Variants in BNIP5 observed in about 807,000 individuals in gnomAD.
BNIP5 encodes BCL2 interacting protein 5.
In BNIP5, 61 loss-of-function variants were observed where a neutral mutation model predicts 67.3. That is an observed-to-expected ratio of 0.91 (90% CI 0.74 to 1.12). The LOEUF is 1.12. Among genes scored for constraint, BNIP5 ranks in the 50% most tolerant of loss-of-function variants. The probability of loss-of-function intolerance (pLI) is 0.00; values close to 1 mark genes in which losing one functional copy is unlikely to be tolerated. For synonymous variants in BNIP5, 317 were observed against 319.0 expected (o/e 0.99, Z 0.07); for missense variants, 826 against 816.3 (o/e 1.01, Z -0.14).
In BNIP5 at chr6:36,335,241, G is replaced by A. The variant is rs1303539245; in HGVS notation, c.-5+1471C>T. On this transcript the variant is annotated intron_variant, in intron 1 of 11. Coordinates refer to ENST00000437635, the MANE Select transcript of BNIP5 (RefSeq NM_001010903.5). The stretch of plus-strand genomic sequence containing the variant: ...TTCTCTAATTTGTTCACCTGGCCGC[G>A]TTACTCTCTAACTGCTCTGGTGCCT... 2.0e-5 allele frequency among the ~76,000 whole-genome samples: 3 copies of A among 152,158 alleles called. 1 individual carries two copies. The highest frequency in any genetic ancestry group is 4.1e-4 in the South Asian group (2 of 4,824).
chr6:36,332,396 C>A (rs999942332), intron 1 of BNIP5, among the ~76,000 whole-genome samples: 1 of 152,100 alleles, frequency 6.6e-6, no homozygotes, highest in African/African-American at 2.4e-5. Context: ...TGGTGGTGTG[C>A]AATGTCGTGT....
At chr6:36,323,164 GAC>G in intron 8 of BNIP5, 127 bp downstream of exon 8, 4 of 1,331,942 alleles carry the variant, frequency 3.0e-6, no homozygotes, top group Admixed American at 2.1e-5. Flanking sequence ...AGCATGGAAA[GAC>G]ACAGTCAGGG....
Position 36,326,614 on chromosome 6 carries a change from C to G in BNIP5, c.932G>C (p.Arg311Thr), listed in dbSNP as rs762695668. The change falls in exon 5 of 12, where the codon AGG becomes ACG. Residue 311 changes from arginine (R) to threonine (T), a missense_variant. Arg to Thr is a moderately conservative substitution (Grantham distance 71). Transcript: ENST00000437635. ...TGGACTGGAAACATCTGCAGCCCCC[C>G]TCTTGGCCTCCTCGGAGCCGTGTTT... is the stretch of plus-strand genomic sequence containing the variant. ...PKKHGSEEAK[R>T]GAADVSSPEA... is the part of the protein sequence containing the mutation. 4 of 1,614,264 alleles carry G rather than the reference C, an allele frequency of 2.5e-6. No homozygotes were observed. The Admixed American group carries it at 5.0e-5, about 20-fold the overall frequency.
Position 36,336,880 on chromosome 6 carries a change from C to T in BNIP5, c.-173G>A, listed in dbSNP as rs1286690739. The T allele has an allele frequency of 6.6e-6, 1 of 152,214 alleles. No homozygotes were observed. The highest frequency in any genetic ancestry group is 1.5e-5 in the Non-Finnish European group (1 of 68,064). 9.4% of individuals were successfully genotyped at this position (152,214 alleles called of 1,614,324 possible). On this transcript the variant is annotated 5_prime_UTR_variant, in exon 1 of 12. Transcript: ENST00000437635. Reference sequence around the variant, plus strand: ...CCACTACTTTGGTGCTGGCAATTTTCTGAGTGTCTCAGAAGATGCTTTGGC... The same window carrying T: ...CCACTACTTTGGTGCTGGCAATTTTTTGAGTGTCTCAGAAGATGCTTTGGC...
Position 36,326,519 on chromosome 6 carries a change from T to C in BNIP5, c.1027A>G (p.Ser343Gly). 6.2e-7 allele frequency: 1 copy of C among 1,614,208 alleles called. No individual in the cohort carries two copies. The highest frequency in any genetic ancestry group is 8.5e-7 in the Non-Finnish European group (1 of 1,180,026). The change falls in exon 5 of 12, where the codon AGC (serine) becomes GGC (glycine). Residue 343 changes from serine (S) to glycine (G), a missense_variant. By Grantham distance (56) the Ser-to-Gly change is moderately conservative. Transcript: ENST00000437635. ...CVSGHRPSIS[S>G]SYGLEEPKVQ... ...TGCAGAGCCTGCTCACCATAGCTGC[T>C]GGAGATGGAAGGCCGATGGCCGCTG...
In BNIP5 at chr6:36,323,368, C is replaced by T. The variant is rs1349103436; in HGVS notation, c.1396G>A (p.Ala466Thr). The change falls in exon 8 of 12, where the codon GCC becomes ACC. Residue 466 changes from alanine (A) to threonine (T), a missense_variant. Transcript: ENST00000437635. ...AGAAGAASPE[A>T]RRPKRPSFLP... Reference sequence around the variant, plus strand: ...AAGCTGGGCCTCTTGGGTCGTCGGGCCTCTGGGCTGGCAGCCCCTGCTGCC... The same window carrying T: ...AAGCTGGGCCTCTTGGGTCGTCGGGTCTCTGGGCTGGCAGCCCCTGCTGCC... The T allele has an allele frequency of 6.2e-7, 1 of 1,614,282 alleles. No individual in the cohort carries two copies. Among genetic ancestry groups the T allele is most frequent in the Non-Finnish European group, 8.5e-7 (1 of 1,180,056 alleles).
At position 36,333,246 on chromosome 6, in the gene BNIP5, G is replaced by A. The variant is rs1346647281; in HGVS notation, c.-4-2552C>T. 5.9e-5 allele frequency among the ~76,000 whole-genome samples: 9 copies of A among 152,364 alleles called. No individual in the cohort carries two copies. The South Asian group carries it at 6.2e-4, about 11-fold the overall frequency. On this transcript the variant is annotated intron_variant, in intron 1 of 11. Coordinates refer to ENST00000437635, the MANE Select transcript of BNIP5 (RefSeq NM_001010903.5). ...GCTGAGGCCAGAGGCCATTGGGGCC[G>A]AGTGTCCACACGTGGACGACCTTGG... is the stretch of plus-strand genomic sequence containing the variant.
Position 36,330,652 on chromosome 6 carries a change from C to T in BNIP5, c.39G>A (p.Glu13=). 8 of 1,600,446 alleles carry T rather than the reference C, an allele frequency of 5.0e-6. No homozygotes were observed. The highest frequency in any genetic ancestry group is 1.1e-5 in the South Asian group (1 of 90,648). ...GCCTGTCCAGAGACCTGGCTTTCTTCTCCGCCAGGGGCCTCCTTGGGCACC... is the reference window on the plus strand; with the variant it reads ...GCCTGTCCAGAGACCTGGCTTTCTTTTCCGCCAGGGGCCTCCTTGGGCACC... ...NPRCPRRPLA[E]KKARSLDRPQ... Residue 13 remains glutamate, a synonymous_variant, in exon 2 of 12, where the codon GAG becomes GAA. Transcript: ENST00000437635.
At chr6:36,323,627 C>A in intron 7 of BNIP5, 94 bp from the exon 8 acceptor site, 1 of 1,418,130 alleles carries the variant, frequency 7.1e-7, no homozygotes, top group Non-Finnish European at 9.8e-7. Flanking sequence ...GGCTAGCAGG[C>A]GTTGCCCAGA....
Position 36,330,680 on chromosome 6 carries a change from G to C in BNIP5, c.11C>G (p.Pro4Arg), listed in dbSNP as rs1771884367. Residue 4 changes from proline to arginine, a missense_variant, in exon 2 of 12, where the codon CCA becomes CGA. Coordinates refer to ENST00000437635, the MANE Select transcript of BNIP5 (RefSeq NM_001010903.5). MEN[P>R]RCPRRPLAEK... ...CGCCAGGGGCCTCCTTGGGCACCTT[G>C]GATTCTCCATCGGGCTGCAACCAAA... 6.3e-7 allele frequency: 1 copy of C among 1,574,998 alleles called. No homozygotes were observed. The highest frequency in any genetic ancestry group is 1.4e-5 in the African/African-American group (1 of 73,608).
In BNIP5 at chr6:36,323,294, A is replaced by C; in HGVS notation, c.1470T>G (p.Leu490=). The C allele has an allele frequency of 6.2e-7, 1 of 1,614,128 alleles. No homozygotes were observed. The highest frequency in any genetic ancestry group is 8.5e-7 in the Non-Finnish European group (1 of 1,180,018). The change falls in exon 8 of 12, where the codon CTT becomes CTG. Residue 490 remains leucine (L), a splice_region_variant and synonymous_variant. Transcript: ENST00000437635. ...CATGGCAACACCAGGCCTGCTCACC[A>C]AGGCTGCTGGAGGTGGAGGGCCGAT... ...GGHRPSTSSS[L]DPEDLECREP...
Position 36,323,421 on chromosome 6 carries a change from T to G in BNIP5, c.1343A>C (p.His448Pro), listed in dbSNP as rs749786358. The stretch of plus-strand genomic sequence containing the variant: ...CGCTCTTCTGGGTTCCTTGGAGGTG[T>G]GTTTCTTATGGTAAAACGCTCTCCT... Reference protein sequence around the residue: ...SFRRAFYHKKHTSKEPRRAGA... With the variant: ...SFRRAFYHKKPTSKEPRRAGA... The change falls in exon 8 of 12, where the codon CAC (histidine) becomes CCC (proline). Residue 448 changes from histidine to proline, a missense_variant. Transcript: ENST00000437635. 4 of 1,614,144 alleles carry G rather than the reference T, an allele frequency of 2.5e-6. No homozygotes were observed. In the Admixed American group the frequency reaches 6.7e-5, roughly 27 times the overall value.
In BNIP5 at chr6:36,317,362, T is replaced by C. The variant is rs762186530; in HGVS notation, c.1953A>G (p.Pro651=). ...PNITSPKVES[P]D ...TGAGTGCAAGACACAGCTTTCAATC[T>C]GGACTTTCAACCTTAGGACTTGTGA... The change falls in exon 12 of 12, where the codon CCA becomes CCG. Residue 651 remains proline, a synonymous_variant. Transcript: ENST00000437635. 2.3e-5 allele frequency: 37 copies of C among 1,613,252 alleles called. No individual in the cohort carries two copies. The highest frequency in any genetic ancestry group is 8.3e-5 in the Admixed American group (5 of 60,004).
At chr6:36,325,070 A>G (rs964978195) in intron 6 of BNIP5, among the ~76,000 whole-genome samples, 4 of 152,128 alleles carry the variant, frequency 2.6e-5, no homozygotes, top group Non-Finnish European at 5.9e-5. Flanking sequence ...TCATCAGGGT[A>G]AGCACCAACA....
At chr6:36,330,005 C>T in intron 2 of BNIP5, 76 bp downstream of exon 2, 6 of 1,478,864 alleles carry the variant, frequency 4.1e-6, no homozygotes, top group Non-Finnish European at 5.4e-6. Context: ...CTATCCCTGT[C>T]CCTCTGTGGA....
intron 9 of BNIP5, among the ~76,000 whole-genome samples, chr6:36,321,475 T>A (rs1771635301): frequency 6.6e-6 from 1 of 152,138 alleles, no homozygotes; most frequent in South Asian, 2.1e-4. Context: ...GTAACCACAT[T>A]CAGCTTCATT....
At chr6:36,321,095 G>T (rs1771625986) in intron 10 of BNIP5, 60 bp downstream of exon 10, 19 of 702,666 alleles carry the variant, frequency 2.7e-5, no homozygotes, top group Non-Finnish European at 3.9e-5. Context: ...CTTGGGGATG[G>T]AACCCAGGTG....
In BNIP5 at chr6:36,317,271, C is replaced by T. The variant is rs892423986; in HGVS notation, c.*85G>A. 2.2e-5 allele frequency: 23 copies of T among 1,028,558 alleles called. No individual in the cohort carries two copies. Among genetic ancestry groups the T allele is most frequent in the Non-Finnish European group, 3.4e-5 (22 of 645,310 alleles). The allele number at this position is 1,028,558 out of a possible 1,614,324, so 63.7% of individuals were successfully genotyped here. ...CACGTTTGTGAAGCAGGGATTGGGACATCACAGAGCATCTTCAGGGTCTCC... is the reference window on the plus strand; with the variant it reads ...CACGTTTGTGAAGCAGGGATTGGGATATCACAGAGCATCTTCAGGGTCTCC... On this transcript the variant is annotated 3_prime_UTR_variant, in exon 12 of 12. Coordinates refer to ENST00000437635, the MANE Select transcript of BNIP5 (RefSeq NM_001010903.5).
chr6:36,330,317 C>A lies in BNIP5; in HGVS notation c.374G>T (p.Gly125Val). The stretch of plus-strand genomic sequence containing the variant: ...CGGATGCTGGGAGATACCCTCCTTC[C>A]CCCTTGGCCTCCTGCTGGCCTTTTC... ...PREKASRRPR[G>V]KEGISQHPEP... The change falls in exon 2 of 12, where the codon GGG (glycine) becomes GTG (valine). Residue 125 changes from glycine to valine, a missense_variant. Transcript: ENST00000437635. 1 of 1,614,198 alleles carries A rather than the reference C, an allele frequency of 6.2e-7. No individual in the cohort carries two copies. Among genetic ancestry groups the A allele is most frequent in the Non-Finnish European group, 8.5e-7 (1 of 1,180,034 alleles).
Sources: allele counts gnomAD v4.1 joint callset (sites outside exome capture counted in the v4.1 genomes callset), GRCh38; gene constraint gnomAD v4.1.1; transcripts MANE v1.5; gene names NCBI Gene and HGNC (gene_info 2026-07-23, HGNC 2026-07-21).